The following GNB5 variants were observed in gnomAD, a reference collection of about 807,000 sequenced individuals.
The protein encoded by GNB5 is G protein subunit beta 5.
A neutral mutation model predicts 55.3 loss-of-function variants in GNB5; 37 were observed. The observed-to-expected ratio is 0.67, with a 90% confidence interval of 0.51 to 0.88. The LOEUF (loss-of-function observed/expected upper bound fraction) is 0.88, where lower values mean the gene tolerates loss of function less well. Ranked by LOEUF, GNB5 falls within the 40% of genes least tolerant of loss-of-function variation. The pLI is 0.00. For missense variants in GNB5, 476 were observed against 515.3 expected (o/e 0.92, Z 0.74); for synonymous variants, 219 against 198.5 (o/e 1.10, Z -0.87).
intron 9 of GNB5, among the ~76,000 whole-genome samples, chr15:52,133,113 A>G (rs890251033): frequency 5.9e-5 from 9 of 152,222 alleles, no homozygotes; most frequent in African/African-American, 2.2e-4. Context: ...TAGCATATAA[A>G]TACTTAATAA....
At chr15:52,138,992 A>ATTC (rs2033789877) in intron 7 of GNB5, 1 of 152,162 alleles carries the variant, frequency 6.6e-6, no homozygotes, top group African/African-American at 2.4e-5. Context: ...GAATGCAGAG[A>ATTC]ATTTGTAAGT....
chr15:52,153,876 T>A, intron 4 of GNB5, 64 bp downstream of exon 4: 1 of 1,408,724 alleles, frequency 7.1e-7, no homozygotes, highest in East Asian at 2.3e-5. Context: ...AAGGGACAGC[T>A]CTCCTCCCCC....
At chr15:52,179,436 C>T (rs2141239524) in intron 3 of GNB5, among the ~76,000 whole-genome samples, 1 of 152,266 alleles carries the variant, frequency 6.6e-6, no homozygotes, top group Middle Eastern at 3.4e-3. Flanking sequence ...ACCCCACCCC[C>T]TGCCCTCCGC....
rs1337002663 is a variant in GNB5 at position 52,117,610 on chromosome 15, A to G, written c.*5147T>C. 2 of 152,304 alleles carry G rather than the reference A, an allele frequency of 1.3e-5. No homozygotes were observed. The highest frequency in any genetic ancestry group is 2.9e-5 in the Non-Finnish European group (2 of 68,098). 9.4% of individuals were successfully genotyped at this position (152,304 alleles called of 1,614,324 possible). ...CAGAGTCCCCTGTGGAGACTGACCA[A>G]CCCTGAAGGCCAGCCTGGCTCCAGC... On this transcript the variant is annotated 3_prime_UTR_variant, in exon 13 of 13. Coordinates refer to ENST00000261837, the MANE Select transcript of GNB5 (RefSeq NM_016194.4).
intron 9 of GNB5, among the ~76,000 whole-genome samples, chr15:52,132,592 A>G (rs1217846062): frequency 2.9e-5 from 4 of 140,202 alleles, no homozygotes; most frequent in African/African-American, 1.1e-4. Flanking sequence ...GGTTCAATCG[A>G]TCCTCCCACT....
chr15:52,121,177 C>T lies in GNB5; in HGVS notation c.*1580G>A. 6.6e-6 allele frequency: 1 copy of T among 152,434 alleles called. No homozygotes were observed. The highest frequency in any genetic ancestry group is 1.9e-4 in the East Asian group (1 of 5,208). 9.4% of individuals were successfully genotyped at this position (152,434 alleles called of 1,614,324 possible). On this transcript the variant is annotated 3_prime_UTR_variant, in exon 13 of 13. Transcript: ENST00000261837. ...TGGGCCTGCAAAGCCAGAGCTACCA[C>T]TAGAAGAAGGGCTGGGCTGGAGCAG...
chr15:52,128,908 G>A (rs1055177272), intron 9 of GNB5: 16 of 352,142 alleles, frequency 4.5e-5, no homozygotes, highest in African/African-American at 2.2e-4. Flanking sequence ...AAACCCCTCC[G>A]CTCTGCCTCA....
In GNB5 at chr15:52,120,622, A is replaced by AC. The variant is rs2033242233; in HGVS notation, c.*2134dup. The AC allele has an allele frequency of 8.9e-6, 1 of 112,556 alleles. No individual in the cohort carries two copies. The highest frequency in any genetic ancestry group is 2.7e-4 in the South Asian group (1 of 3,712). 7.0% of individuals were successfully genotyped at this position (112,556 alleles called of 1,614,324 possible). On this transcript the variant is annotated 3_prime_UTR_variant, in exon 13 of 13. Transcript: ENST00000261837. ...GGGAGCCGGAAGGCACAGTGCAGAG[A>AC]CAAAAAAAAAAATGGCTGTGGGAGA...
intron 3 of GNB5, among the ~76,000 whole-genome samples, chr15:52,166,955 G>A (rs542521418): frequency 1.3e-5 from 2 of 151,980 alleles, no homozygotes; most frequent in East Asian, 1.9e-4. Context: ...ATAAAAGAGA[G>A]GAGAATCAAA....
chr15:52,181,652 A>G (rs1596111429), intron 2 of GNB5, among the ~76,000 whole-genome samples: 1 of 152,240 alleles, frequency 6.6e-6, no homozygotes, highest in African/African-American at 2.4e-5. Flanking sequence ...AAAAAAAGGT[A>G]AGATAGTGTG....
At chr15:52,139,667 G>A (rs2033805549) in intron 7 of GNB5, 1 of 428,386 alleles carries the variant, frequency 2.3e-6, no homozygotes, top group Non-Finnish European at 3.8e-6. Flanking sequence ...GAACACAGCG[G>A]AGCCAAGATC....
chr15:52,174,153 T>C (rs774374326), intron 3 of GNB5, among the ~76,000 whole-genome samples: 10 of 152,260 alleles, frequency 6.6e-5, no homozygotes, highest in Middle Eastern at 6.8e-3. Flanking sequence ...GCCAAGAACA[T>C]GGGCAGCCCC....
chr15:52,131,958 C>A (rs1400890968), intron 9 of GNB5, among the ~76,000 whole-genome samples: 1 of 152,148 alleles, frequency 6.6e-6, no homozygotes, highest in Non-Finnish European at 1.5e-5. Context: ...ACCTAATTAG[C>A]CCCCAAAAGA....
intron 3 of GNB5, among the ~76,000 whole-genome samples, chr15:52,177,659 A>AG (rs1320199903): frequency 6.6e-6 from 1 of 151,482 alleles, no homozygotes; most frequent in African/African-American, 2.4e-5. Flanking sequence ...TCAAAAAAAA[A>AG]AAAAAAAGAA....
rs572028487 is a variant in GNB5, at chr15:52,117,931, C to T, written c.*4826G>A. 6.2e-4 allele frequency: 94 copies of T among 152,686 alleles called. No individual in the cohort carries two copies. Among genetic ancestry groups the T allele is most frequent in the African/African-American group, 2.1e-3 (88 of 41,586 alleles). The allele number at this position is 152,686 out of a possible 1,614,324, so 9.5% of individuals were successfully genotyped here. ...TGGGAAATGAAGATCTACAAATCCC[C>T]ACTCAATCAGCTCTTCCAGGCTTGG... On this transcript the variant is annotated 3_prime_UTR_variant, in exon 13 of 13. Coordinates refer to ENST00000261837, the MANE Select transcript of GNB5 (RefSeq NM_016194.4).
intron 4 of GNB5, among the ~76,000 whole-genome samples, chr15:52,152,477 C>T (rs1245318982): frequency 2.6e-5 from 4 of 152,072 alleles, no homozygotes; most frequent in African/African-American, 7.2e-5. Flanking sequence ...GCTCCCACCA[C>T]CATGCCCAGC....
intron 3 of GNB5, among the ~76,000 whole-genome samples, chr15:52,172,748 A>G (rs1342727879): frequency 2.6e-5 from 4 of 152,300 alleles, no homozygotes; most frequent in Middle Eastern, 6.8e-3. Flanking sequence ...CCTGTGTGAC[A>G]GAGTGAGAAC....
At chr15:52,151,549 C>G (rs2034097231) in intron 4 of GNB5, among the ~76,000 whole-genome samples, 1 of 152,182 alleles carries the variant, frequency 6.6e-6, no homozygotes, top group South Asian at 2.1e-4. Flanking sequence ...CAAGTCTGTT[C>G]CAGAGGCTTC....
chr15:52,135,797 T>G (rs766923955), intron 7 of GNB5, 41 bp from the exon 8 acceptor site: 8 of 1,605,330 alleles, frequency 5.0e-6, no homozygotes, highest in Non-Finnish European at 6.8e-6. Context: ...GTTGTGGTTA[T>G]TGCTTATGCC....
Sources: gnomAD v4.1 joint callset for allele counts (sites outside exome capture counted in the v4.1 genomes callset) on GRCh38, gnomAD v4.1.1 for gene constraint, MANE v1.5 for transcripts, NCBI Gene and HGNC (gene_info 2026-07-23, HGNC 2026-07-21) for gene names.